Variants in PARD3B observed in about 807,000 individuals in gnomAD.
The protein encoded by PARD3B is partitioning defective 3 homolog B.
Under a neutral mutation model 130.2 loss-of-function variants are expected in PARD3B, and 103 were observed. The observed-to-expected ratio is 0.79, with a 90% CI of 0.67 to 0.93. The LOEUF is 0.93. Ranked by LOEUF, PARD3B falls within the 40% of genes least tolerant of loss-of-function variation. The probability of loss-of-function intolerance (pLI) is 0.00; values close to 1 mark genes in which losing one functional copy is unlikely to be tolerated. For missense variants in PARD3B, 1,609 were observed against 1,499.2 expected, an observed-to-expected ratio of 1.07 and a Z score of -1.21; for synonymous variants, 583 against 553.2, an observed-to-expected ratio of 1.05 and a Z score of -0.76.
rs59323700 is a variant in PARD3B at position 204,998,358 on chromosome 2, ATGTG to A, written c.394+33049_394+33052del. ...TATATATATATATATATATATATAT[ATGTG>A]TGTGTGTGTGTGTATATATGTGTGT... On this transcript the variant is annotated intron_variant, in intron 3 of 22. Transcript: ENST00000406610. Among the ~76,000 whole-genome samples the A allele has an allele frequency of 3.2e-3, 226 of 69,774 alleles. 11 individuals carry two copies. The highest frequency in any genetic ancestry group is 0.01 in the African/African-American group (151 of 14,758). The allele number at this position is 69,774 out of a possible 152,430, so 45.8% of individuals were successfully genotyped here.
intron 3 of PARD3B, among the ~76,000 whole-genome samples, chr2:205,008,472 C>A (rs776072305): frequency 2.0e-5 from 3 of 151,934 alleles, no homozygotes; most frequent in Non-Finnish European, 4.4e-5. Flanking sequence ...CTTTCACTGC[C>A]CTCAACAACG....
intron 2 of PARD3B, among the ~76,000 whole-genome samples, chr2:204,842,203 C>G (rs1006237079): frequency 1.3e-5 from 2 of 152,008 alleles, no homozygotes; most frequent in African/African-American, 4.8e-5. Flanking sequence ...TTTTTCAAAG[C>G]AATAGTCTTT....
chr2:205,251,229 G>A (rs1411718224), intron 16 of PARD3B, among the ~76,000 whole-genome samples: 3 of 152,198 alleles, frequency 2.0e-5, no homozygotes, highest in South Asian at 2.1e-4. Flanking sequence ...TAATCTGATC[G>A]TTCTTGCCTT....
intron 2 of PARD3B, among the ~76,000 whole-genome samples, chr2:204,848,830 T>C (rs1045113176): frequency 1.3e-5 from 2 of 152,138 alleles, no homozygotes; most frequent in Non-Finnish European, 2.9e-5. Context: ...ATTTATAGTC[T>C]TCATTTCATA....
At chr2:204,953,223 G>A (rs1189186091) in intron 2 of PARD3B, among the ~76,000 whole-genome samples, 1 of 151,862 alleles carries the variant, frequency 6.6e-6, no homozygotes. Flanking sequence ...GTCTGGAATG[G>A]GAGAATGCTA....
chr2:204,794,607 T>G (rs1482059869), intron 2 of PARD3B, among the ~76,000 whole-genome samples: 1 of 152,246 alleles, frequency 6.6e-6, no homozygotes, highest in Non-Finnish European at 1.5e-5. Context: ...TAAATGACCT[T>G]GAGCACAGAT....
intron 21 of PARD3B, among the ~76,000 whole-genome samples, chr2:205,503,925 TC>T (rs1488466870): frequency 1.3e-5 from 2 of 152,184 alleles, no homozygotes; most frequent in African/African-American, 4.8e-5. Context: ...TATTTTATTC[TC>T]TTTGAAGCAA....
intron 18 of PARD3B, among the ~76,000 whole-genome samples, chr2:205,349,544 G>A (rs2043916541): frequency 6.6e-6 from 1 of 151,936 alleles, no homozygotes; most frequent in South Asian, 2.1e-4. Context: ...ACAACACAGG[G>A]TTTCTTAAAC....
intron 2 of PARD3B, among the ~76,000 whole-genome samples, chr2:204,948,180 T>G (rs1457936326): frequency 4.6e-5 from 7 of 152,196 alleles, no homozygotes; most frequent in Admixed American, 4.6e-4. Flanking sequence ...TGAGACAGCC[T>G]CTGAGGATTT....
intron 19 of PARD3B, among the ~76,000 whole-genome samples, chr2:205,403,628 A>G (rs1010906121): frequency 6.6e-6 from 1 of 152,202 alleles, no homozygotes; most frequent in Non-Finnish European, 1.5e-5. Context: ...TTAAAAATGA[A>G]GATTCCTGAG....
chr2:205,245,610 T>C (rs2039538492), intron 15 of PARD3B, among the ~76,000 whole-genome samples, 168 bp from the exon 16 acceptor site: 3 of 152,172 alleles, frequency 2.0e-5, no homozygotes, highest in Admixed American at 2.0e-4. Context: ...TCAAGATATC[T>C]ACCAATAAAA....
intron 20 of PARD3B, among the ~76,000 whole-genome samples, chr2:205,498,199 A>G (rs1220100544): frequency 1.6e-3 from 4 of 2,520 alleles, no homozygotes; most frequent in Non-Finnish European, 0.015. Context: ...GACTCTGACT[A>G]AAAAAAAAAA....
rs567203503 is a variant in PARD3B at position 205,209,129 on chromosome 2, C to G, written c.2140+15809C>G. Among the ~76,000 whole-genome samples the G allele has an allele frequency of 6.6e-3, 907 of 137,876 alleles. 11 individuals carry two copies. The highest frequency in any genetic ancestry group is 0.014 in the Middle Eastern group (4 of 290). 90.5% of individuals were successfully genotyped at this position (137,876 alleles called of 152,430 possible). On this transcript the variant is annotated intron_variant, in intron 15 of 22. Coordinates refer to ENST00000406610, the MANE Select transcript of PARD3B (RefSeq NM_001302769.2). Reference sequence around the variant, plus strand: ...AAACAAGCAATGGGGAAAGGATTCCCTATTTAATAAATGGTGCTGGGAAAA... The same window carrying G: ...AAACAAGCAATGGGGAAAGGATTCCGTATTTAATAAATGGTGCTGGGAAAA...
At chr2:204,630,586 G>A (rs1334610000) in intron 1 of PARD3B, among the ~76,000 whole-genome samples, 1 of 151,990 alleles carries the variant, frequency 6.6e-6, no homozygotes. Context: ...TATATCTTTA[G>A]CGTATAGTTG....
intron 15 of PARD3B, among the ~76,000 whole-genome samples, chr2:205,232,239 C>T (rs557675843): frequency 2.0e-5 from 3 of 152,172 alleles, no homozygotes; most frequent in Non-Finnish European, 2.9e-5. Flanking sequence ...TGCTTGAGGC[C>T]GAGAGTTTGA....
chr2:204,706,392 G>T (rs1364363627), intron 2 of PARD3B, among the ~76,000 whole-genome samples: 3 of 151,218 alleles, frequency 2.0e-5, no homozygotes, highest in Non-Finnish European at 3.0e-5. Flanking sequence ...AAAAGAAAAA[G>T]AAAAGGGTAA....
chr2:205,130,311 C>T (rs1457777258), intron 10 of PARD3B, among the ~76,000 whole-genome samples: 1 of 152,186 alleles, frequency 6.6e-6, no homozygotes, highest in African/African-American at 2.4e-5. Flanking sequence ...AGTTAATCAA[C>T]TGGTGGTTTG....
chr2:205,147,819 C>A (rs1401497233), intron 10 of PARD3B, among the ~76,000 whole-genome samples: 3 of 152,128 alleles, frequency 2.0e-5, no homozygotes, highest in Non-Finnish European at 4.4e-5. Flanking sequence ...GAGCTGGTTA[C>A]ACCGAGCTCT....
chr2:204,822,154 T>C (rs900062733), intron 2 of PARD3B, among the ~76,000 whole-genome samples: 2 of 152,226 alleles, frequency 1.3e-5, no homozygotes, highest in African/African-American at 4.8e-5. Context: ...AACAGGAGTT[T>C]GGAAGAAGTT....
Sources: allele counts gnomAD v4.1 joint callset (sites outside exome capture counted in the v4.1 genomes callset), GRCh38; gene constraint gnomAD v4.1.1; transcripts MANE v1.5; gene names NCBI Gene and HGNC (gene_info 2026-07-23, HGNC 2026-07-21).